The following COL20A1 variants were observed in gnomAD, a reference collection of about 807,000 sequenced individuals.
COL20A1 encodes the protein collagen type XX alpha 1 chain.
COL20A1 carries 164 observed loss-of-function variants against 152.9 expected under a neutral mutation model. The observed-to-expected ratio is 1.07, with a 90% CI of 0.94 to 1.22. The LOEUF is 1.22. COL20A1 is among the 50% of genes most tolerant of loss of function. The pLI is 0.00. For synonymous variants in COL20A1, 864 were observed against 756.0 expected (o/e 1.14, Z -2.34); for missense variants, 1,873 against 1,744.8 (o/e 1.07, Z -1.31).
Position 63,319,618 on chromosome 20 carries a change from CT to C in COL20A1, c.2916+23del, listed in dbSNP as rs1568783238. ...CAAGGTCCTGGTGCAGCTCGCGCCC[CT>C]CTCCCCCGTTCCCCCAGCTCTGGGG... On this transcript the variant is annotated intron_variant, in intron 23 of 35. Coordinates refer to ENST00000358894, the MANE Select transcript of COL20A1 (RefSeq NM_020882.4). The surrounding 1 kb of genome is among the most constrained non-coding windows in gnomAD (Gnocchi z 4.4). 2 of 1,514,268 alleles carry C rather than the reference CT, an allele frequency of 1.3e-6. No individual in the cohort carries two copies. The highest frequency in any genetic ancestry group is 2.4e-5 in the South Asian group (2 of 83,434). The allele number at this position is 1,514,268 out of a possible 1,614,324, so 93.8% of individuals were successfully genotyped here.
At chr20:63,308,817 C>A in intron 8 of COL20A1, 111 bp downstream of exon 8, 1 of 1,017,422 alleles carries the variant, frequency 9.8e-7, no homozygotes, top group Non-Finnish European at 1.4e-6. Flanking sequence ...GCTTCCACAT[C>A]TGCGGCACGG....
At chr20:63,312,702 G>T in intron 15 of COL20A1, 90 bp from the exon 16 acceptor site, 1 of 1,468,790 alleles carries the variant, frequency 6.8e-7, no homozygotes, top group Non-Finnish European at 9.2e-7. Context: ...ATGGATGGGG[G>T]TATAGGGTGC....
At chr20:63,312,329 C>G in intron 14 of COL20A1, 91 bp from the exon 15 acceptor site, 1 of 1,379,324 alleles carries the variant, frequency 7.2e-7, no homozygotes, top group Non-Finnish European at 9.5e-7. Context: ...GTGGGGTAGT[C>G]CTGGCTGCAG....
Position 63,325,681 on chromosome 20 carries a change from AC to A in COL20A1, c.3364del (p.Gln1122ArgfsTer15), listed in dbSNP as rs1568788710. On this transcript the variant is annotated frameshift_variant, in exon 29 of 36. Transcript: ENST00000358894. LOFTEE classifies it high-confidence loss of function. ...GTTCTCTCCCAGGGCCACCCCGGCCACCAGGGCATCCCCGGGAGAGTTGGCC... is the reference window on the plus strand; with the variant it reads ...GTTCTCTCCCAGGGCCACCCCGGCCACAGGGCATCCCCGGGAGAGTTGGCC... ...GLPGLQGHPG[H>X]QGIPGRVGLQ... 12 of 1,611,160 alleles carry A rather than the reference AC, an allele frequency of 7.4e-6. No individual in the cohort carries two copies. Among genetic ancestry groups the A allele is most frequent in the Non-Finnish European group, 9.3e-6 (11 of 1,179,424 alleles).
chr20:63,319,027 C>T lies in COL20A1; in HGVS notation c.2664-31C>T. 1.9e-6 allele frequency: 3 copies of T among 1,583,140 alleles called. No homozygotes were observed. Among genetic ancestry groups the T allele is most frequent in the Non-Finnish European group, 2.6e-6 (3 of 1,153,700 alleles). On this transcript the variant is annotated intron_variant, in intron 21 of 35. Transcript: ENST00000358894. This position sits in a 1 kb window ranked among gnomAD's most constrained non-coding sequence, Gnocchi z 4.4. ...AGGTTTGGCTGCCCTTGGGTCTGCTCATGTGCCTCTCCCTCCCCCAACCCC... is the reference window on the plus strand; with the variant it reads ...AGGTTTGGCTGCCCTTGGGTCTGCTTATGTGCCTCTCCCTCCCCCAACCCC...
chr20:63,304,550 G>A (rs1172953323), intron 3 of COL20A1, among the ~76,000 whole-genome samples: 6 of 123,010 alleles, frequency 4.9e-5, no homozygotes, highest in African/African-American at 1.5e-4. Flanking sequence ...CAGGTGTGCA[G>A]GTGCTGGCTC....
Position 63,321,104 on chromosome 20 carries a change from G to A in COL20A1, c.3240+5G>A. On this transcript the variant is annotated splice_donor_5th_base_variant and intron_variant, in intron 26 of 35. Transcript: ENST00000358894. ...CCAGGACCTCAAGGACCCCCAGTGA[G>A]TCCAGTGGCGTCTCCTTGGGGTGAC... 1 of 1,575,974 alleles carries A rather than the reference G, an allele frequency of 6.3e-7. No individual in the cohort carries two copies. The highest frequency in any genetic ancestry group is 8.6e-7 in the Non-Finnish European group (1 of 1,158,074).
intron 27 of COL20A1, among the ~76,000 whole-genome samples, chr20:63,323,007 A>G (rs1460201158): frequency 6.6e-6 from 1 of 152,186 alleles, no homozygotes; most frequent in Non-Finnish European, 1.5e-5. Flanking sequence ...GGATGTCCCC[A>G]CACTGGCCCG....
intron 15 of COL20A1, 65 bp downstream of exon 15, chr20:63,312,614 C>A: frequency 6.7e-7 from 1 of 1,500,124 alleles, no homozygotes; most frequent in Non-Finnish European, 8.9e-7. Flanking sequence ...CCCTGCTAGA[C>A]AGTTCACATC....
At chr20:63,309,088 G>A (rs964121969) in intron 8 of COL20A1, among the ~76,000 whole-genome samples, 27 of 152,192 alleles carry the variant, frequency 1.8e-4, no homozygotes, top group African/African-American at 6.3e-4. Flanking sequence ...ACTCACAGGC[G>A]AATCAACTCT....
rs1452616518 is a variant in COL20A1, at chr20:63,314,183, T to A, written c.2470T>A (p.Ser824Thr). The A allele has an allele frequency of 1.3e-6, 2 of 1,568,612 alleles. No homozygotes were observed. Among genetic ancestry groups the A allele is most frequent in the Non-Finnish European group, 8.6e-7 (1 of 1,157,328 alleles). The change falls in exon 19 of 36, where the codon TCT (serine) becomes ACT (threonine). Residue 824 changes from serine (S) to threonine (T), a missense_variant. By Grantham distance (58) the Ser-to-Thr change is moderately conservative. Transcript: ENST00000358894. ...TGCAGCAGGCAGGAGTGAGGCTGTG[T>A]CTGCCACGGGCCAGACAGGTGAGTG... ...IYAAGRSEAV[S>T]ATGQTACPAL...
At chr20:63,327,368 G>A (rs2068267540) in intron 31 of COL20A1, 1 of 175,434 alleles carries the variant, frequency 5.7e-6, no homozygotes, top group Middle Eastern at 1.6e-3. Flanking sequence ...TGTAGCTAAG[G>A]GCTGGTTCTG....
In COL20A1 at chr20:63,326,132, G is replaced by T. The variant is rs1235848616; in HGVS notation, c.3439G>T (p.Gly1147Ter). The T allele has an allele frequency of 3.1e-6, 5 of 1,612,344 alleles. No homozygotes were observed. ...CCTGGAGGGAACTGCTGGCCTGCCT[G>T]GACCCCCTGGCCCCAGGGTAGGCAC... The part of the protein sequence containing the change: ...RGLEGTAGLP[G>*]PPGPRGFQGM... The change falls in exon 30 of 36, where the codon GGA becomes TGA. Residue 1147 changes from glycine to a stop codon, truncating the protein, a stop_gained. Transcript: ENST00000358894. LOFTEE classifies it high-confidence loss of function.
chr20:63,319,639 C>A lies in COL20A1; in HGVS notation c.2916+43C>A. Reference sequence around the variant, plus strand: ...GCCCCTCTCCCCCGTTCCCCCAGCTCTGGGGCAGCCCAGCCCCACAGGGAC... The same window carrying A: ...GCCCCTCTCCCCCGTTCCCCCAGCTATGGGGCAGCCCAGCCCCACAGGGAC... On this transcript the variant is annotated intron_variant, in intron 23 of 35. Transcript: ENST00000358894. This position sits in a 1 kb window ranked among gnomAD's most constrained non-coding sequence, Gnocchi z 4.4. 1 of 1,412,426 alleles carries A rather than the reference C, an allele frequency of 7.1e-7. No individual in the cohort carries two copies. Among genetic ancestry groups the A allele is most frequent in the Admixed American group, 2.0e-5 (1 of 50,688 alleles). The allele number at this position is 1,412,426 out of a possible 1,614,324, so 87.5% of individuals were successfully genotyped here.
At chr20:63,317,608 C>T (rs1054697707) in intron 21 of COL20A1, among the ~76,000 whole-genome samples, 4 of 152,122 alleles carry the variant, frequency 2.6e-5, no homozygotes, top group African/African-American at 9.7e-5. Flanking sequence ...TGTTTTGTCC[C>T]CACACAGCCG....
rs537708708 is a variant in COL20A1 at position 63,309,403 on chromosome 20, C to T, written c.1011C>T (p.Ser337=). The T allele has an allele frequency of 3.7e-5, 58 of 1,555,600 alleles. 2 individuals carry two copies. The South Asian group carries it at 5.1e-4, about 14-fold the overall frequency. ...CGCCGAGGGACATCACCGTCCACAG[C>T]GTGCTGGACTTCCTGCAGCTCGGCG... ...ASPPRDITVH[S]VLDFLQLGAL... The change falls in exon 9 of 36, where the codon AGC becomes AGT. Residue 337 remains serine (S), a synonymous_variant. Transcript: ENST00000358894.
rs373532225 is a variant in COL20A1 at position 63,328,481 on chromosome 20, G to A, written c.3764G>A (p.Arg1255His). ...LVPGEWGRGG[R>H]HLEGRGEPGA... ...CCTGGAGAATGGGGGCGTGGTGGCCGCCACCTTGAGGGCAGAGGTACTGGG... is the reference window on the plus strand; with the variant it reads ...CCTGGAGAATGGGGGCGTGGTGGCCACCACCTTGAGGGCAGAGGTACTGGG... The change falls in exon 34 of 36, where the codon CGC becomes CAC. Residue 1255 changes from arginine (R) to histidine (H), a missense_variant. Physicochemically the swap from Arg to His is conservative, Grantham distance 29. Coordinates refer to ENST00000358894, the MANE Select transcript of COL20A1 (RefSeq NM_020882.4). The A allele has an allele frequency of 2.5e-5, 40 of 1,611,324 alleles. No homozygotes were observed. Among genetic ancestry groups the A allele is most frequent in the South Asian group, 9.9e-5 (9 of 90,914 alleles).
chr20:63,305,698 T>A lies in COL20A1; in HGVS notation c.337+138T>A. 1 of 1,168,656 alleles carries A rather than the reference T, an allele frequency of 8.6e-7. No homozygotes were observed. Among genetic ancestry groups the A allele is most frequent in the Non-Finnish European group, 1.2e-6 (1 of 837,238 alleles). 72.4% of individuals were successfully genotyped at this position (1,168,656 alleles called of 1,614,324 possible). A position where few individuals can be genotyped will look rare whatever the true frequency, so the allele number is the denominator to read the frequency against. On this transcript the variant is annotated intron_variant, in intron 4 of 35. Transcript: ENST00000358894. This position sits in a 1 kb window ranked among gnomAD's most constrained non-coding sequence, Gnocchi z 4.9. ...TGTGTGAAGCAGTTCTGGGCTGTGC[T>A]AGGGGCAGGTTCAAGTCCCGACTCA... is the stretch of plus-strand genomic sequence containing the variant.
intron 34 of COL20A1, among the ~76,000 whole-genome samples, chr20:63,328,949 T>C (rs2068295781): frequency 6.6e-6 from 1 of 152,090 alleles, no homozygotes; most frequent in Non-Finnish European, 1.5e-5. Context: ...CCTCCTCCTC[T>C]GAGGCAGCAG....
Sources: allele counts gnomAD v4.1 joint callset (sites outside exome capture counted in the v4.1 genomes callset), GRCh38; gene constraint gnomAD v4.1.1; non-coding constraint Gnocchi (gnomAD v3.1); transcripts MANE v1.5; gene names NCBI Gene and HGNC (gene_info 2026-07-23, HGNC 2026-07-21).